Variants in CAMTA1 observed in about 807,000 individuals in gnomAD.
The protein encoded by CAMTA1 is calmodulin binding transcription activator 1, also known as calmodulin-binding transcription activator 1.
In CAMTA1, 27 loss-of-function variants were observed where a neutral mutation model predicts 170.9. That is an observed-to-expected ratio of 0.16 (90% confidence interval 0.12 to 0.22). The LOEUF is 0.22. Among genes scored for constraint, CAMTA1 ranks in the 10% least tolerant of loss-of-function variants. The pLI, the probability that CAMTA1 is intolerant of heterozygous loss-of-function variation, is 1.00. For synonymous variants in CAMTA1, 833 were observed against 891.5 expected (o/e 0.93, Z 1.17); for missense variants, 1,619 against 2,217.2 (o/e 0.73, Z 5.42).
intron 5 of CAMTA1, among the ~76,000 whole-genome samples, chr1:7,375,802 T>C (rs2086801500): frequency 6.6e-6 from 1 of 152,250 alleles, no homozygotes; most frequent in Non-Finnish European, 1.5e-5. Context: ...GGCCTTTCCA[T>C]TAATTAATGC....
At chr1:7,208,937 G>A (rs1054554973) in intron 4 of CAMTA1, among the ~76,000 whole-genome samples, 4 of 152,168 alleles carry the variant, frequency 2.6e-5, no homozygotes, top group African/African-American at 9.7e-5. Context: ...GGGCCGACTG[G>A]CTGGCATGGG....
intron 5 of CAMTA1, among the ~76,000 whole-genome samples, chr1:7,276,918 T>A (rs4908615): frequency 0.39 from 59,877 of 152,078 alleles, 12,229 homozygotes; most frequent in East Asian, 0.6. Flanking sequence ...TTCACATATT[T>A]GCAATGAACA....
chr1:6,793,482 G>A (rs1641701908), intron 1 of CAMTA1, among the ~76,000 whole-genome samples: 1 of 152,140 alleles, frequency 6.6e-6, no homozygotes, highest in Non-Finnish European at 1.5e-5. Flanking sequence ...AAGAGAATGG[G>A]GAGCTAACTT....
At chr1:7,190,465 A>T (rs1204734549) in intron 4 of CAMTA1, among the ~76,000 whole-genome samples, 1 of 152,210 alleles carries the variant, frequency 6.6e-6, no homozygotes, top group African/African-American at 2.4e-5. Flanking sequence ...ATCATGATGT[A>T]ACATAAATGT....
Position 7,663,662 on chromosome 1 carries a change from T to C in CAMTA1, c.1115T>C (p.Met372Thr). The change falls in exon 9 of 23, where the codon ATG becomes ACG. Residue 372 changes from methionine (M) to threonine (T), a missense_variant. Met to Thr is a moderately conservative substitution (Grantham distance 81, BLOSUM62 -1). This residue lies in a region of CAMTA1 where 731 missense variants were observed against 907.6 expected (regional missense o/e 0.81). Transcript: ENST00000303635. Reference sequence around the variant, plus strand: ...AGCGGGCTCAACAGCGACCCGGACATGGTGGACAGCCCGGTGGTCACAGGT... The same window carrying C: ...AGCGGGCTCAACAGCGACCCGGACACGGTGGACAGCCCGGTGGTCACAGGT... ...ISSGLNSDPD[M>T]VDSPVVTGVS... is the part of the protein sequence containing the mutation. The C allele has an allele frequency of 1.9e-6, 3 of 1,614,140 alleles. No individual in the cohort carries two copies. The highest frequency in any genetic ancestry group is 2.2e-5 in the South Asian group (2 of 91,072).
intron 4 of CAMTA1, among the ~76,000 whole-genome samples, chr1:7,169,216 T>C (rs1649107884): frequency 6.6e-6 from 1 of 152,240 alleles, no homozygotes; most frequent in African/African-American, 2.4e-5. Flanking sequence ...TTTGCGTCTA[T>C]GTTCATGATT....
chr1:7,104,837 T>A (rs186244793), intron 4 of CAMTA1, among the ~76,000 whole-genome samples: 137 of 152,318 alleles, frequency 9.0e-4, no homozygotes, highest in African/African-American at 3.1e-3. Flanking sequence ...TGACGGATAA[T>A]GGAGAGACTG....
At position 7,398,185 on chromosome 1, in the gene CAMTA1, C is replaced by A. The variant is rs867063817; in HGVS notation, c.439-69645C>A. ...TCTCTCTCTCTCTCTCTCTCTCTCT[C>A]TCTCTCTCTATATATATATATATAT... is the stretch of plus-strand genomic sequence containing the variant. On this transcript the variant is annotated intron_variant, in intron 5 of 22. Transcript: ENST00000303635. Among the ~76,000 whole-genome samples the A allele has an allele frequency of 7.2e-3, 336 of 46,478 alleles. 5 individuals are homozygous for A. Among genetic ancestry groups the A allele is most frequent in the African/African-American group, 0.026 (301 of 11,442 alleles). 30.5% of individuals were successfully genotyped at this position (46,478 alleles called of 152,430 possible). A position where few individuals can be genotyped will look rare whatever the true frequency, so the allele number is the denominator to read the frequency against.
intron 4 of CAMTA1, among the ~76,000 whole-genome samples, chr1:7,139,057 A>G (rs1645718492): frequency 7.0e-6 from 1 of 142,616 alleles, no homozygotes; most frequent in Non-Finnish European, 1.5e-5. Context: ...ATATATTTAT[A>G]TTTATTATTT....
At chr1:6,851,512 A>G (rs773080310) in intron 3 of CAMTA1, among the ~76,000 whole-genome samples, 6 of 152,216 alleles carry the variant, frequency 3.9e-5, no homozygotes, top group African/African-American at 7.2e-5. Flanking sequence ...AGAATTGTTC[A>G]TAACAGGCAA....
intron 5 of CAMTA1, among the ~76,000 whole-genome samples, chr1:7,419,127 C>T (rs2091393710): frequency 6.6e-6 from 1 of 152,186 alleles, no homozygotes; most frequent in Admixed American, 6.5e-5. Flanking sequence ...CACTTTCTTC[C>T]CTTCCCGAAC....
chr1:6,991,293 TAA>T (rs1696332367), intron 3 of CAMTA1, among the ~76,000 whole-genome samples: 2 of 152,220 alleles, frequency 1.3e-5, no homozygotes, highest in Admixed American at 6.5e-5. Context: ...TTCTTTTTTT[TAA>T]AAGAAACTGC....
chr1:7,246,655 ACCAGC>A (rs910901623), intron 4 of CAMTA1, among the ~76,000 whole-genome samples: 4 of 109,000 alleles, frequency 3.7e-5, no homozygotes, highest in African/African-American at 1.5e-4. Flanking sequence ...ATCCCTTCCC[ACCAGC>A]TCTGACCTGC....
chr1:7,157,127 A>G (rs556049958), intron 4 of CAMTA1, among the ~76,000 whole-genome samples: 17 of 152,158 alleles, frequency 1.1e-4, no homozygotes, highest in African/African-American at 4.1e-4. Flanking sequence ...GCAGTTCACA[A>G]GGTCAGGAGA....
chr1:7,362,615 G>C lies in CAMTA1; in HGVS notation c.439-105215G>C, dbSNP rs539832479. On this transcript the variant is annotated intron_variant, in intron 5 of 22. Transcript: ENST00000303635. Reference sequence around the variant, plus strand: ...AGAGTTGGTGGACTTTGGTAGGATTGGTGGACTTGAATAGAGTGAGTGAAC... The same window carrying C: ...AGAGTTGGTGGACTTTGGTAGGATTCGTGGACTTGAATAGAGTGAGTGAAC... Among the ~76,000 whole-genome samples the C allele has an allele frequency of 2.6e-5, 4 of 152,024 alleles. No individual in the cohort carries two copies. In the South Asian group the frequency reaches 8.3e-4, roughly 32 times the overall value.
chr1:7,419,000 C>T (rs1328419389), intron 5 of CAMTA1, among the ~76,000 whole-genome samples: 1 of 152,208 alleles, frequency 6.6e-6, no homozygotes, highest in African/African-American at 2.4e-5. Context: ...GCAGCTCCTG[C>T]CTCACTCAAA....
rs1290079184 is a variant in CAMTA1, at chr1:7,673,376, G to C, written c.2779+2339G>C. Among the ~76,000 whole-genome samples the C allele has an allele frequency of 6.6e-6, 1 of 152,252 alleles. No homozygotes were observed. The highest frequency in any genetic ancestry group is 2.4e-5 in the African/African-American group (1 of 41,464). On this transcript the variant is annotated intron_variant, in intron 10 of 22. Coordinates refer to ENST00000303635, the MANE Select transcript of CAMTA1 (RefSeq NM_015215.4). This position sits in a 1 kb window ranked among gnomAD's most constrained non-coding sequence, Gnocchi z 4.6. ...CCAGCAGGGCGAGAGCAGTGAGTGA[G>C]AGGAGGTGTGTGAAGCACCTGGCCC...
intron 7 of CAMTA1, among the ~76,000 whole-genome samples, chr1:7,655,832 T>C (rs58623815): frequency 0.024 from 3,688 of 152,276 alleles, 146 homozygotes; most frequent in African/African-American, 0.084. Flanking sequence ...GTGTGGACCT[T>C]TAGCCACAGA....
chr1:7,270,278 T>C (rs1191899113), intron 5 of CAMTA1, among the ~76,000 whole-genome samples: 26 of 115,658 alleles, frequency 2.2e-4, no homozygotes, highest in Middle Eastern at 4.1e-3. Flanking sequence ...CACACACATA[T>C]ATATATATAT....
Sources: allele counts gnomAD v4.1 joint callset (sites outside exome capture counted in the v4.1 genomes callset), GRCh38; gene constraint gnomAD v4.1.1; regional missense constraint gnomAD v4.1.1; non-coding constraint Gnocchi (gnomAD v3.1); transcripts MANE v1.5; gene names NCBI Gene and HGNC (gene_info 2026-07-23, HGNC 2026-07-21).